The following KIAA1755 variants were observed in gnomAD, a reference collection of about 807,000 sequenced individuals.
KIAA1755 encodes the protein uncharacterized protein KIAA1755.
In KIAA1755, 68 loss-of-function variants were observed where a neutral mutation model predicts 91.7. The observed-to-expected ratio is 0.74, with a 90% CI of 0.61 to 0.91. The LOEUF (loss-of-function observed/expected upper bound fraction) is 0.91, where lower values mean the gene tolerates loss of function less well. KIAA1755 is among the 40% of genes least tolerant of loss of function. KIAA1755 has a pLI of 0.00. For synonymous variants in KIAA1755, 610 were observed against 604.6 expected, an observed-to-expected ratio of 1.01 and a Z score of -0.13; for missense variants, 1,535 against 1,494.4, an observed-to-expected ratio of 1.03 and a Z score of -0.45.
intron 4 of KIAA1755, among the ~76,000 whole-genome samples, chr20:38,234,864 T>A (rs2075930913): frequency 6.6e-6 from 1 of 152,178 alleles, no homozygotes; most frequent in Non-Finnish European, 1.5e-5. Context: ...GCCCCAAATG[T>A]TATCCTCACC....
intron 13 of KIAA1755, among the ~76,000 whole-genome samples, chr20:38,215,636 C>T (rs6127471): frequency 0.4 from 61,258 of 151,926 alleles, 13,031 homozygotes; most frequent in East Asian, 0.52. Context: ...AGAAGCCAGC[C>T]GGTCAACGGG....
intron 4 of KIAA1755, among the ~76,000 whole-genome samples, chr20:38,239,257 G>A (rs1414284564): frequency 6.6e-6 from 1 of 152,218 alleles, no homozygotes; most frequent in African/African-American, 2.4e-5. Context: ...CTGCTTCTGG[G>A]GAACCCAGTA....
intron 1 of KIAA1755, among the ~76,000 whole-genome samples, chr20:38,253,546 T>C (rs781090134): frequency 3.9e-5 from 6 of 152,118 alleles, no homozygotes; most frequent in Admixed American, 6.5e-5. Context: ...CCCTGACTAT[T>C]GGAATTTTTT....
chr20:38,225,904 T>TA, intron 7 of KIAA1755, 123 bp from the exon 8 acceptor site: 1 of 562,764 alleles, frequency 1.8e-6, no homozygotes, highest in Non-Finnish European at 3.0e-6. Flanking sequence ...ACTCCAGCTT[T>TA]AAAAGTTGCT....
At chr20:38,233,716 CT>C (rs1353660707) in intron 4 of KIAA1755, 2 of 152,174 alleles carry the variant, frequency 1.3e-5, no homozygotes, top group African/African-American at 2.4e-5. Context: ...TCTATGGCTC[CT>C]TGTGGCCTTG....
At chr20:38,256,163 C>T (rs763363334) in intron 1 of KIAA1755, among the ~76,000 whole-genome samples, 1 of 152,166 alleles carries the variant, frequency 6.6e-6, no homozygotes, top group African/African-American at 2.4e-5. Context: ...TCTCTTTCCC[C>T]GGGCTCCCTG....
rs1295646217 is a variant in KIAA1755, at chr20:38,231,280, G to A, written c.1793C>T (p.Thr598Ile). Residue 598 changes from threonine (T) to isoleucine (I), a missense_variant, in exon 5 of 14, where the codon ACA becomes ATA. Coordinates refer to ENST00000279024, the MANE Select transcript of KIAA1755 (RefSeq NM_001029864.2). ...AGRPLLLVST[T>I]EGAWEAPWCT... ...CCATGGTGCCTCCCAGGCCCCCTCTGTAGTTGACACCAGAAGCAGGGGCCG... is the reference window on the plus strand; with the variant it reads ...CCATGGTGCCTCCCAGGCCCCCTCTATAGTTGACACCAGAAGCAGGGGCCG... 2 of 1,612,652 alleles carry A rather than the reference G, an allele frequency of 1.2e-6. No homozygotes were observed. The highest frequency in any genetic ancestry group is 3.3e-5 in the Admixed American group (2 of 59,894).
chr20:38,252,019 C>T (rs1187049931), intron 1 of KIAA1755, among the ~76,000 whole-genome samples: 2 of 152,168 alleles, frequency 1.3e-5, no homozygotes, highest in African/African-American at 4.8e-5. Context: ...GGCCCCTTGC[C>T]AGTTGTCTAT....
At chr20:38,259,513 G>GT (rs954965291) in intron 1 of KIAA1755, among the ~76,000 whole-genome samples, 1 of 133,692 alleles carries the variant, frequency 7.5e-6, no homozygotes, top group African/African-American at 2.9e-5. Context: ...GTGCCTGCGT[G>GT]TGTGTGTGTG....
chr20:38,216,746 G>A, intron 13 of KIAA1755: 1 of 446,502 alleles, frequency 2.2e-6, no homozygotes, highest in Non-Finnish European at 4.5e-6. Flanking sequence ...TGTCATCAAA[G>A]AGGTATGGAT....
intron 7 of KIAA1755, among the ~76,000 whole-genome samples, chr20:38,226,687 G>A (rs889172050): frequency 2.0e-5 from 3 of 152,142 alleles, no homozygotes; most frequent in Admixed American, 6.5e-5. Context: ...GCAGAGTCCC[G>A]CTTCAGCTCC....
chr20:38,213,610 T>C lies in KIAA1755; in HGVS notation c.3035A>G (p.Glu1012Gly), dbSNP rs1372638953. 6.2e-7 allele frequency: 1 copy of C among 1,610,932 alleles called. No individual in the cohort carries two copies. Among genetic ancestry groups the C allele is most frequent in the Non-Finnish European group, 8.5e-7 (1 of 1,178,648 alleles). Residue 1012 changes from glutamate to glycine, a missense_variant, in exon 14 of 14, where the codon GAG (glutamate) becomes GGG (glycine). By Grantham distance (98) the Glu-to-Gly change is moderately conservative (BLOSUM62 -2). Coordinates refer to ENST00000279024, the MANE Select transcript of KIAA1755 (RefSeq NM_001029864.2). The stretch of plus-strand genomic sequence containing the variant: ...CTGCAGCCCCACGGCTGCGAGCTTC[T>C]CAGCAGGGAACTCAGATGCCAGTCG... ...LQRLASEFPAEKLAAVGLQVA... is the reference protein window; with the variant it reads ...LQRLASEFPAGKLAAVGLQVA...
intron 13 of KIAA1755, among the ~76,000 whole-genome samples, chr20:38,216,552 G>A (rs1262292271): frequency 6.6e-6 from 1 of 152,168 alleles, no homozygotes; most frequent in African/African-American, 2.4e-5. Context: ...GTCCCAGCTG[G>A]ACCACACTCT....
chr20:38,226,360 C>T (rs549039955), intron 7 of KIAA1755, among the ~76,000 whole-genome samples: 24 of 152,304 alleles, frequency 1.6e-4, no homozygotes, highest in South Asian at 6.2e-4. Flanking sequence ...TTTGGACCCA[C>T]CTGATATTCC....
Position 38,213,706 on chromosome 20 carries a change from G to A in KIAA1755, c.2939C>T (p.Ala980Val), listed in dbSNP as rs139290655. Residue 980 changes from alanine (A) to valine (V), a missense_variant, in exon 14 of 14, where the codon GCC (alanine) becomes GTC (valine). Transcript: ENST00000279024. ...TGAGGTCTTGTCCAGCCTGAGCTGGGCCATCAGGTCCTGACAGTCCATGTG... is the reference window on the plus strand; with the variant it reads ...TGAGGTCTTGTCCAGCCTGAGCTGGACCATCAGGTCCTGACAGTCCATGTG... Reference protein sequence around the residue: ...WFHMDCQDLMAQLRLDKTSRV... With the variant: ...WFHMDCQDLMVQLRLDKTSRV... 2.0e-6 allele frequency: 3 copies of A among 1,526,968 alleles called. No individual in the cohort carries two copies. Among genetic ancestry groups the A allele is most frequent in the East Asian group, 2.3e-5 (1 of 43,652 alleles). The allele number at this position is 1,526,968 out of a possible 1,614,324, so 94.6% of individuals were successfully genotyped here. A position where few individuals can be genotyped will look rare whatever the true frequency, so the allele number is the denominator to read the frequency against.
chr20:38,255,598 G>T (rs2076327778), intron 1 of KIAA1755, among the ~76,000 whole-genome samples: 1 of 152,238 alleles, frequency 6.6e-6, no homozygotes, highest in Non-Finnish European at 1.5e-5. Flanking sequence ...CCAGGCTGGA[G>T]ATTCTAGAAC....
At chr20:38,219,900 G>A in intron 10 of KIAA1755, 132 bp from the exon 11 acceptor site, 1 of 1,179,952 alleles carries the variant, frequency 8.5e-7, no homozygotes, top group Admixed American at 2.2e-5. Flanking sequence ...CTGTGTGACT[G>A]TGGGCAGGCC....
At chr20:38,223,074 G>A in intron 9 of KIAA1755, 1 of 229,638 alleles carries the variant, frequency 4.4e-6, no homozygotes, top group Non-Finnish European at 8.7e-6. Flanking sequence ...TGCTACTCCT[G>A]AACACCCCAG....
At chr20:38,215,392 C>T (rs999120658) in intron 13 of KIAA1755, among the ~76,000 whole-genome samples, 4 of 152,168 alleles carry the variant, frequency 2.6e-5, no homozygotes, top group African/African-American at 9.7e-5. Context: ...GGGCCGAGCC[C>T]GTGCCAGGCA....
Sources: gnomAD v4.1 joint callset for allele counts (sites outside exome capture counted in the v4.1 genomes callset) on GRCh38, gnomAD v4.1.1 for gene constraint, MANE v1.5 for transcripts, NCBI Gene and HGNC (gene_info 2026-07-23, HGNC 2026-07-21) for gene names.